Variants in DSC1 observed in about 807,000 individuals in gnomAD.
DSC1 encodes desmocollin-1.
A neutral mutation model predicts 98.8 loss-of-function variants in DSC1; 79 were observed. That is an observed-to-expected ratio of 0.80 (90% confidence interval 0.67 to 0.96). DSC1 has a LOEUF of 0.96. DSC1 is among the 50% of genes least tolerant of loss of function. The pLI is 0.00. For synonymous variants in DSC1, 405 were observed against 372.1 expected, an observed-to-expected ratio of 1.09 and a Z score of -1.02; for missense variants, 1,115 against 1,075.9, an observed-to-expected ratio of 1.04 and a Z score of -0.51.
At position 31,134,721 on chromosome 18, in the gene DSC1, T is replaced by C. The variant is rs2144917210; in HGVS notation, c.1727A>G (p.Gln576Arg). 6.2e-7 allele frequency: 1 copy of C among 1,613,322 alleles called. No homozygotes were observed. The highest frequency in any genetic ancestry group is 8.5e-7 in the Non-Finnish European group (1 of 1,179,554). ...ACAAATGGTCACTTCTTTGTCAATT[T>C]GAGGTGCGTGATCGTTGTAATCATC... Reference protein sequence around the residue: ...HLDDYNDHAPQIDKEVTICQN... With the variant: ...HLDDYNDHAPRIDKEVTICQN... The change falls in exon 12 of 16, where the codon CAA becomes CGA. Residue 576 changes from glutamine to arginine, a missense_variant. Coordinates refer to ENST00000257198, the MANE Select transcript of DSC1 (RefSeq NM_024421.2).
chr18:31,145,617 A>G lies in DSC1; in HGVS notation c.933T>C (p.Asp311=), dbSNP rs754958870. ...GTTAATTAATCATCATTACTTCTCT[A>G]TCCAGAAAAGGTGTAGTTGTGGTGA... The part of the protein sequence containing the change: ...GVITTTTPFL[D]REKCDTYQLI... Residue 311 remains aspartate (D), a synonymous_variant, in exon 7 of 16, where the codon GAT becomes GAC. Coordinates refer to ENST00000257198, the MANE Select transcript of DSC1 (RefSeq NM_024421.2). The G allele has an allele frequency of 1.2e-6, 2 of 1,613,912 alleles. No homozygotes were observed. Among genetic ancestry groups the G allele is most frequent in the Non-Finnish European group, 1.7e-6 (2 of 1,179,898 alleles).
chr18:31,138,617 T>A (rs1988662051), intron 11 of DSC1, among the ~76,000 whole-genome samples: 1 of 149,100 alleles, frequency 6.7e-6, no homozygotes. Context: ...ATTTTGTTAT[T>A]AAAAAAAAAA....
At chr18:31,144,653 T>C (rs1988804039) in intron 7 of DSC1, among the ~76,000 whole-genome samples, 2 of 152,038 alleles carry the variant, frequency 1.3e-5, no homozygotes, top group Non-Finnish European at 2.9e-5. Flanking sequence ...TAATCCTCAA[T>C]AGGAGGATTT....
intron 6 of DSC1, among the ~76,000 whole-genome samples, chr18:31,148,184 C>G (rs1020636832): frequency 7.9e-5 from 12 of 152,096 alleles, no homozygotes; most frequent in African/African-American, 2.9e-4. Flanking sequence ...CCAACTTCAG[C>G]AACAACCCCA....
rs750561411 is a variant in DSC1 at position 31,132,555 on chromosome 18, A to C, written c.2238+13T>G. 6.2e-7 allele frequency: 1 copy of C among 1,612,482 alleles called. No homozygotes were observed. The highest frequency in any genetic ancestry group is 1.1e-5 in the South Asian group (1 of 90,900). On this transcript the variant is annotated intron_variant, in intron 14 of 15. Transcript: ENST00000257198. ...TCACCGTACAATTCAAAGGGATGTG[A>C]AATCTGATTTACCGTTACTTCTTCT...
At chr18:31,136,611 G>A (rs1988615180) in intron 11 of DSC1, among the ~76,000 whole-genome samples, 1 of 152,008 alleles carries the variant, frequency 6.6e-6, no homozygotes, top group African/African-American at 2.4e-5. Flanking sequence ...GGCTTCCCTG[G>A]GCCACACTGA....
rs754740077 is a variant in DSC1 at position 31,157,360 on chromosome 18, T to C, written c.351+11A>G. 283 of 1,613,822 alleles carry C rather than the reference T, an allele frequency of 1.8e-4. No individual in the cohort carries two copies. Among genetic ancestry groups the C allele is most frequent in the Non-Finnish European group, 2.2e-4 (265 of 1,179,870 alleles). On this transcript the variant is annotated intron_variant, in intron 3 of 15. Transcript: ENST00000257198. ...TTACTGTGCTAGGCTGCTTAAGCCC[T>C]TGCCTTATACCTTGTTTTCTCTTGC... is the stretch of plus-strand genomic sequence containing the variant.
chr18:31,148,466 T>C (rs753179288), intron 6 of DSC1, 32 bp downstream of exon 6: 21 of 1,556,290 alleles, frequency 1.3e-5, no homozygotes, highest in Non-Finnish European at 1.8e-5. Flanking sequence ...CAAATAGTCT[T>C]CTTGTCATGC....
intron 15 of DSC1, chr18:31,130,933 T>C: frequency 8.4e-7 from 1 of 1,196,664 alleles, no homozygotes; most frequent in Non-Finnish European, 1.2e-6. Flanking sequence ...ATTTAAAAAA[T>C]TAAGACTACG....
At chr18:31,145,376 A>T (rs1988825260) in intron 7 of DSC1, among the ~76,000 whole-genome samples, 1 of 152,214 alleles carries the variant, frequency 6.6e-6, no homozygotes, top group African/African-American at 2.4e-5. Flanking sequence ...ATGTAAAGCA[A>T]TTTTATCATC....
At chr18:31,152,950 T>A (rs1355841240) in intron 5 of DSC1, among the ~76,000 whole-genome samples, 1 of 150,476 alleles carries the variant, frequency 6.6e-6, no homozygotes, top group Non-Finnish European at 1.5e-5. Context: ...GCAAGTGGTG[T>A]TTCTTAATGC....
intron 11 of DSC1, among the ~76,000 whole-genome samples, chr18:31,137,204 A>G (rs1254845888): frequency 1.3e-5 from 2 of 152,194 alleles, no homozygotes; most frequent in Non-Finnish European, 2.9e-5. Context: ...AAGCTACAAT[A>G]TGCCTCCTAA....
chr18:31,150,404 A>ACCATCACCC, intron 5 of DSC1, among the ~76,000 whole-genome samples: 1 of 5,872 alleles, frequency 1.7e-4, no homozygotes, highest in Non-Finnish European at 5.1e-4. Context: ...CATTATCACC[A>ACCATCACCC]CCACCACATC....
At position 31,161,852 on chromosome 18, in the gene DSC1, A is replaced by G. The variant is rs189159815; in HGVS notation, c.63+680T>C. On this transcript the variant is annotated intron_variant, in intron 1 of 15. Coordinates refer to ENST00000257198, the MANE Select transcript of DSC1 (RefSeq NM_024421.2). Reference sequence around the variant, plus strand: ...GCCATTTCTAAAAATATATTTTGAAACTCAAGTATTTTGCTAAAATGAAAA... The same window carrying G: ...GCCATTTCTAAAAATATATTTTGAAGCTCAAGTATTTTGCTAAAATGAAAA... Among the ~76,000 whole-genome samples, 12 of 152,214 alleles carry G rather than the reference A, an allele frequency of 7.9e-5. No individual in the cohort carries two copies. In the East Asian group the frequency reaches 1.7e-3, roughly 22 times the overall value.
At chr18:31,132,253 G>C (rs908473512) in intron 14 of DSC1, 48 of 351,028 alleles carry the variant, frequency 1.4e-4, no homozygotes, top group African/African-American at 7.6e-4. Context: ...AGCTAGGAGA[G>C]AGTCCTGGAA....
intron 8 of DSC1, among the ~76,000 whole-genome samples, chr18:31,143,194 C>G (rs1242446900): frequency 6.6e-6 from 1 of 151,678 alleles, no homozygotes; most frequent in Non-Finnish European, 1.5e-5. Context: ...GAAAAGTTTA[C>G]TCATGGTACA....
intron 11 of DSC1, among the ~76,000 whole-genome samples, chr18:31,137,509 C>T (rs572274770): frequency 2.6e-5 from 4 of 152,080 alleles, no homozygotes; most frequent in Admixed American, 6.6e-5. Flanking sequence ...CTGCACTGTG[C>T]ATATGTATAC....
intron 6 of DSC1, among the ~76,000 whole-genome samples, chr18:31,146,714 A>AGT (rs1257611336): frequency 4.6e-5 from 7 of 152,216 alleles, no homozygotes; most frequent in Admixed American, 6.5e-5. Context: ...ATGGCATATA[A>AGT]GTGTTCATGG....
Position 31,132,682 on chromosome 18 carries a change from C to A in DSC1, c.2124G>T (p.Leu708=). ...TAGCAGTGACACAGAAACATGTAAA[C>A]AGAATACCTAAAAAGCAAAAAAGAT... ...VLGSVLLLCI[L]FTCFCVTAKR... Residue 708 remains leucine, a synonymous_variant, in exon 14 of 16, where the codon CTG becomes CTT. Transcript: ENST00000257198. The A allele has an allele frequency of 6.2e-7, 1 of 1,611,374 alleles. No homozygotes were observed. The highest frequency in any genetic ancestry group is 8.5e-7 in the Non-Finnish European group (1 of 1,178,780).
Sources: gnomAD v4.1 joint callset for allele counts (sites outside exome capture counted in the v4.1 genomes callset) on GRCh38, gnomAD v4.1.1 for gene constraint, MANE v1.5 for transcripts, NCBI Gene and HGNC (gene_info 2026-07-23, HGNC 2026-07-21) for gene names.